NUGGC: variants seen among roughly 807,000 people sequenced by gnomAD.
The protein encoded by NUGGC is nuclear GTPase SLIP-GC.
NUGGC carries 58 observed loss-of-function variants against 92.6 expected under a neutral mutation model. That is an observed-to-expected ratio of 0.63 (90% CI 0.51 to 0.78). The LOEUF (loss-of-function observed/expected upper bound fraction) is 0.78. Among genes scored for constraint, NUGGC ranks in the 30% least tolerant of loss-of-function variants. NUGGC has a pLI of 0.00. For synonymous variants in NUGGC, 376 were observed against 366.4 expected (o/e 1.03, Z -0.30); for missense variants, 925 against 964.6 (o/e 0.96, Z 0.54).
At chr8:28,038,362 A>G (rs1040414143) in intron 13 of NUGGC, among the ~76,000 whole-genome samples, 6 of 152,218 alleles carry the variant, frequency 3.9e-5, no homozygotes, top group African/African-American at 1.4e-4. Context: ...TAAGAAAAAC[A>G]GTTGATTTGT....
chr8:28,043,367 A>G (rs749908719), intron 12 of NUGGC, among the ~76,000 whole-genome samples: 1 of 152,026 alleles, frequency 6.6e-6, no homozygotes, highest in African/African-American at 2.4e-5. Flanking sequence ...CACTACTCAA[A>G]CTCCAAATTT....
intron 14 of NUGGC, among the ~76,000 whole-genome samples, chr8:28,032,775 G>T (rs1461608317): frequency 6.7e-6 from 1 of 149,212 alleles, no homozygotes; most frequent in Non-Finnish European, 1.5e-5. Flanking sequence ...GAAGGAGGGA[G>T]CACCAAGGAG....
chr8:28,037,800 G>C (rs1230903021), intron 13 of NUGGC, among the ~76,000 whole-genome samples: 2 of 152,210 alleles, frequency 1.3e-5, no homozygotes, highest in African/African-American at 4.8e-5. Flanking sequence ...CTCTAGACCA[G>C]TGATTCTCAA....
At chr8:28,071,601 C>G (rs141175952) in intron 2 of NUGGC, among the ~76,000 whole-genome samples, 1 of 152,266 alleles carries the variant, frequency 6.6e-6, no homozygotes, top group East Asian at 1.9e-4. Context: ...GAGATTCATT[C>G]ACTTAAGCAG....
chr8:28,026,813 A>G (rs1299844121), intron 18 of NUGGC, 149 bp downstream of exon 18: 2 of 633,094 alleles, frequency 3.2e-6, no homozygotes, highest in Non-Finnish European at 5.8e-6. Flanking sequence ...CATCGTCATC[A>G]TCTCCATTCC....
At chr8:28,044,842 G>A (rs966316260) in intron 12 of NUGGC, among the ~76,000 whole-genome samples, 1 of 152,122 alleles carries the variant, frequency 6.6e-6, no homozygotes, top group African/African-American at 2.4e-5. Flanking sequence ...CTCTCATAAG[G>A]AGACAACACA....
chr8:28,054,005 A>C (rs1179701999), intron 10 of NUGGC, among the ~76,000 whole-genome samples: 1 of 152,216 alleles, frequency 6.6e-6, no homozygotes. Flanking sequence ...TTGAAGGCAA[A>C]ATACAGAAAG....
intron 9 of NUGGC, among the ~76,000 whole-genome samples, 189 bp from the exon 10 acceptor site, chr8:28,056,243 C>A (rs113042261): frequency 0.039 from 5,910 of 152,090 alleles, 173 homozygotes; most frequent in Middle Eastern, 0.075. Context: ...CGTTGGGAGG[C>A]CAAGGTAGGC....
chr8:28,059,407 A>T (rs1382852776), intron 8 of NUGGC, among the ~76,000 whole-genome samples: 1 of 152,220 alleles, frequency 6.6e-6, no homozygotes, highest in East Asian at 1.9e-4. Flanking sequence ...ATAGAAATCA[A>T]CATCTATTAA....
chr8:28,067,198 T>G (rs1810458640), intron 6 of NUGGC, among the ~76,000 whole-genome samples: 1 of 152,134 alleles, frequency 6.6e-6, no homozygotes. Flanking sequence ...AGAAAAGGAA[T>G]AAATCCCTGT....
chr8:28,067,676 C>T lies in NUGGC; in HGVS notation c.549G>A (p.Glu183=), dbSNP rs756220403. 5 of 1,614,040 alleles carry T rather than the reference C, an allele frequency of 3.1e-6. No individual in the cohort carries two copies. The highest frequency in any genetic ancestry group is 1.1e-5 in the South Asian group (1 of 91,080). ...CCTCATCCCTGTTCCACGCATCTGC[C>T]TCTTCTCTGCTCAGCTCCTCCGTCC... ...LHRTEELSRE[E]ADAWNRDEAV... Residue 183 remains glutamate (E), a synonymous_variant, in exon 6 of 19, where the codon GAG becomes GAA. Transcript: ENST00000413272.
chr8:28,038,116 G>A lies in NUGGC; in HGVS notation c.1611+2935C>T, dbSNP rs185888943. The stretch of plus-strand genomic sequence containing the variant: ...CTCTCTTCCCTTGGCTCTCGGGCAC[G>A]TGGGCCAATACACTTCCTCATGGCT... On this transcript the variant is annotated intron_variant, in intron 13 of 18. Coordinates refer to ENST00000413272, the MANE Select transcript of NUGGC (RefSeq NM_001010906.2). Among the ~76,000 whole-genome samples, 34 of 152,312 alleles carry A rather than the reference G, an allele frequency of 2.2e-4. No homozygotes were observed. The East Asian group carries it at 6.0e-3, about 27-fold the overall frequency.
intron 1 of NUGGC, among the ~76,000 whole-genome samples, chr8:28,075,097 C>G (rs890039094): frequency 3.9e-5 from 6 of 152,168 alleles, no homozygotes; most frequent in Admixed American, 3.9e-4. Flanking sequence ...AGGCTTGAAC[C>G]CTGAGCCAGT....
At chr8:28,036,046 C>CT (rs34729732) in intron 13 of NUGGC, among the ~76,000 whole-genome samples, 11 of 149,060 alleles carry the variant, frequency 7.4e-5, no homozygotes, top group Non-Finnish European at 1.2e-4. Flanking sequence ...CCATGCCCAA[C>CT]TTTTTTTTTT....
intron 6 of NUGGC, 93 bp from the exon 7 acceptor site, chr8:28,064,824 G>C (rs1810397214): frequency 9.3e-7 from 1 of 1,069,912 alleles, no homozygotes; most frequent in African/African-American, 1.5e-5. Flanking sequence ...TAAGTATGCT[G>C]AGTAAGGGTA....
chr8:28,077,415 A>G (rs1810749695), intron 1 of NUGGC, among the ~76,000 whole-genome samples: 1 of 151,690 alleles, frequency 6.6e-6, no homozygotes, highest in Admixed American at 6.6e-5. Flanking sequence ...AAAAAGAAAG[A>G]AAGTAGCCGG....
chr8:28,031,430 A>C, intron 14 of NUGGC, 49 bp from the exon 15 acceptor site: 1 of 1,585,598 alleles, frequency 6.3e-7, no homozygotes, highest in Non-Finnish European at 8.6e-7. Context: ...GGCTGCTGTG[A>C]GGCTGAAACA....
chr8:28,038,058 T>C (rs548347728), intron 13 of NUGGC, among the ~76,000 whole-genome samples: 166 of 152,310 alleles, frequency 1.1e-3, no homozygotes, highest in African/African-American at 3.9e-3. Flanking sequence ...ATGGGGCCCA[T>C]GGAGGCACTG....
In NUGGC at chr8:28,031,227, T is replaced by G; in HGVS notation, c.1908+16A>C. On this transcript the variant is annotated intron_variant, in intron 15 of 18. Coordinates refer to ENST00000413272, the MANE Select transcript of NUGGC (RefSeq NM_001010906.2). The stretch of plus-strand genomic sequence containing the variant: ...TGCCCAACCTCACTGCTCTCCTCAC[T>G]TTATAAGGAACGTACCTCCTGGATC... 6.2e-7 allele frequency: 1 copy of G among 1,613,956 alleles called. No homozygotes were observed. Among genetic ancestry groups the G allele is most frequent in the Non-Finnish European group, 8.5e-7 (1 of 1,179,816 alleles).
Sources: gnomAD v4.1 joint callset for allele counts (sites outside exome capture counted in the v4.1 genomes callset) on GRCh38, gnomAD v4.1.1 for gene constraint, MANE v1.5 for transcripts, NCBI Gene and HGNC (gene_info 2026-07-23, HGNC 2026-07-21) for gene names.